The following NOL7 variants were observed in gnomAD, a reference collection of about 807,000 sequenced individuals.
NOL7 encodes the protein nucleolar protein 7.
Under a neutral mutation model 38.4 loss-of-function variants are expected in NOL7, and 36 were observed. That is an observed-to-expected ratio of 0.94 (90% CI 0.72 to 1.24). NOL7 has a LOEUF of 1.24. Among genes scored for constraint, NOL7 ranks in the 50% most tolerant of loss-of-function variants. The probability of loss-of-function intolerance (pLI) is 0.00; values close to 1 mark genes in which losing one functional copy is unlikely to be tolerated. For missense variants in NOL7, 350 were observed against 315.1 expected (o/e 1.11, Z -0.84); for synonymous variants, 142 against 126.5 (o/e 1.12, Z -0.82).
intron 5 of NOL7, among the ~76,000 whole-genome samples, chr6:13,618,935 A>G (rs544636657): frequency 6.6e-6 from 1 of 152,304 alleles, no homozygotes; most frequent in African/African-American, 2.4e-5. Flanking sequence ...TCAGTTGAAC[A>G]CTTTGTCTTT....
chr6:13,630,776 C>G (rs1338145678), intron 8 of NOL7, among the ~76,000 whole-genome samples: 3 of 152,084 alleles, frequency 2.0e-5, no homozygotes, highest in African/African-American at 4.8e-5. Flanking sequence ...TACAGCTCAC[C>G]TATTAAACCA....
At position 13,615,576 on chromosome 6, in the gene NOL7, A is replaced by G; in HGVS notation, c.218A>G (p.Gln73Arg). ...APEELTFASA[Q>R]AEAREEERRV... ...GAGGAGCTGACTTTCGCCAGCGCCC[A>G]GGCGGAAGCGAGAGAAGAGGAGCGG... Residue 73 changes from glutamine (Q) to arginine (R), a missense_variant, in exon 1 of 8, where the codon CAG becomes CGG. Transcript: ENST00000451315. The G allele has an allele frequency of 1.3e-6, 2 of 1,573,552 alleles. No homozygotes were observed. Among genetic ancestry groups the G allele is most frequent in the Non-Finnish European group, 8.6e-7 (1 of 1,158,002 alleles).
intron 8 of NOL7, among the ~76,000 whole-genome samples, chr6:13,627,436 C>T (rs1007939354): frequency 2.0e-5 from 3 of 151,984 alleles, no homozygotes; most frequent in Admixed American, 6.6e-5. Context: ...TCAAGACCAA[C>T]CTAGCCAACA....
chr6:13,623,232 G>A (rs1764505118), downstream of NOL7, among the ~76,000 whole-genome samples: 1 of 152,198 alleles, frequency 6.6e-6, no homozygotes, highest in South Asian at 2.1e-4. Flanking sequence ...AGACTCAGAA[G>A]CTGGTAATTT....
chr6:13,623,047 T>A (rs753996959), downstream of NOL7, among the ~76,000 whole-genome samples: 3 of 152,170 alleles, frequency 2.0e-5, no homozygotes, highest in African/African-American at 7.2e-5. Context: ...CCCCACAGTT[T>A]TGGAGGTGCT....
chr6:13,617,615 A>G (rs994572482), intron 3 of NOL7, among the ~76,000 whole-genome samples, 155 bp from the exon 4 acceptor site: 3 of 152,166 alleles, frequency 2.0e-5, no homozygotes, highest in African/African-American at 7.2e-5. Context: ...GGGAGTGACT[A>G]TTGCTTTCCA....
chr6:13,632,342 A>G (rs1460451808), intron 8 of NOL7: 25 of 1,602,184 alleles, frequency 1.6e-5, no homozygotes, highest in Non-Finnish European at 2.0e-5. Flanking sequence ...TGACATATTC[A>G]TAATTTTTCA....
chr6:13,630,575 G>A lies in NOL7; in HGVS notation n.574-1818G>A, dbSNP rs115503791. On this transcript the variant is annotated intron_variant and non_coding_transcript_variant, in intron 8 of 8. Transcript: ENST00000474485. ...ATGCCCTAAAACAACAGTACTCAAA[G>A]TATGATTCAGGGACACCTGGGTCCA... Among the ~76,000 whole-genome samples the A allele has an allele frequency of 4.7e-3, 715 of 151,518 alleles. 5 individuals are homozygous for A. Among genetic ancestry groups the A allele is most frequent in the African/African-American group, 0.016 (667 of 41,292 alleles).
chr6:13,630,701 A>C (rs1239238529), intron 8 of NOL7, among the ~76,000 whole-genome samples: 1 of 152,194 alleles, frequency 6.6e-6, no homozygotes, highest in Non-Finnish European at 1.5e-5. Context: ...ATATAGTGGA[A>C]TTTTCCAGAG....
chr6:13,623,802 A>G (rs923074263), downstream of NOL7, among the ~76,000 whole-genome samples: 7 of 151,806 alleles, frequency 4.6e-5, no homozygotes, highest in Admixed American at 2.0e-4. Flanking sequence ...ATTTATATTA[A>G]TAAGATTAAG....
intron 3 of NOL7, among the ~76,000 whole-genome samples, chr6:13,617,245 G>GCCCC (rs200867465): frequency 6.7e-5 from 10 of 148,216 alleles, no homozygotes; most frequent in African/African-American, 2.0e-4. Context: ...CTTCTCATTT[G>GCCCC]CCCCCCCCCA....
intron 8 of NOL7, among the ~76,000 whole-genome samples, chr6:13,628,509 A>T (rs1426334957): frequency 6.6e-6 from 1 of 152,264 alleles, no homozygotes; most frequent in Admixed American, 6.5e-5. Flanking sequence ...ATAAGGTTTT[A>T]AATGAAGGAA....
chr6:13,628,269 A>C (rs1471281001), intron 8 of NOL7, among the ~76,000 whole-genome samples: 1 of 152,202 alleles, frequency 6.6e-6, no homozygotes, highest in Non-Finnish European at 1.5e-5. Context: ...ACAGTTCAAC[A>C]TACAGCTGTC....
intron 8 of NOL7, among the ~76,000 whole-genome samples, chr6:13,630,552 G>A (rs1448108119): frequency 2.6e-5 from 4 of 151,398 alleles, no homozygotes; most frequent in Admixed American, 1.3e-4. Flanking sequence ...TTCCAAATAT[G>A]CCCTAAAACA....
At chr6:13,630,226 A>C (rs1325705179) in intron 8 of NOL7, among the ~76,000 whole-genome samples, 2 of 152,130 alleles carry the variant, frequency 1.3e-5, no homozygotes, top group East Asian at 1.9e-4. Flanking sequence ...AAGTCTCTGA[A>C]AGTAGCTGGC....
At chr6:13,622,040 C>G (rs1764463732), downstream of NOL7, 2 of 167,336 alleles carry the variant, frequency 1.2e-5, no homozygotes, top group Non-Finnish European at 2.6e-5. Flanking sequence ...CCCTCTCTCC[C>G]CCCTCCCCCA....
At chr6:13,629,909 C>G (rs1431247614) in intron 8 of NOL7, among the ~76,000 whole-genome samples, 2 of 122,482 alleles carry the variant, frequency 1.6e-5, no homozygotes, top group African/African-American at 6.3e-5. Context: ...CTCTCTCTCT[C>G]TCTCTCTCTC....
chr6:13,627,081 T>A (rs778573850), intron 8 of NOL7, among the ~76,000 whole-genome samples: 1 of 152,176 alleles, frequency 6.6e-6, no homozygotes, highest in African/African-American at 2.4e-5. Context: ...CCAATTACAA[T>A]AGAAGTTCTT....
At chr6:13,620,620 C>CAATGT in intron 7 of NOL7, 134 bp from the exon 8 acceptor site, 1 of 1,014,186 alleles carries the variant, frequency 9.9e-7, no homozygotes, top group Non-Finnish European at 1.5e-6. Flanking sequence ...AAAAACAGGT[C>CAATGT]AATGTAGTAT....
Sources: gnomAD v4.1 joint callset for allele counts (sites outside exome capture counted in the v4.1 genomes callset) on GRCh38, gnomAD v4.1.1 for gene constraint, MANE v1.5 for transcripts, NCBI Gene and HGNC (gene_info 2026-07-23, HGNC 2026-07-21) for gene names.